The following ABCA13 variants were observed in gnomAD, a reference collection of about 807,000 sequenced individuals.
ABCA13 encodes ATP binding cassette subfamily A member 13.
Under a neutral mutation model 478.7 loss-of-function variants are expected in ABCA13, and 476 were observed. The ratio of observed to expected loss-of-function variants is 0.99; its 90% confidence interval spans 0.92 to 1.07. The LOEUF is 1.07. Ranked by LOEUF, ABCA13 falls within the 50% of genes least tolerant of loss-of-function variation. ABCA13 has a pLI of 0.00. For missense variants in ABCA13, 6,060 were observed against 5,910.6 expected, an observed-to-expected ratio of 1.03 and a Z score of -0.83; for synonymous variants, 2,252 against 2,158.9, an observed-to-expected ratio of 1.04 and a Z score of -1.20.
chr7:48,469,619 A>G (rs1308488011), intron 44 of ABCA13, among the ~76,000 whole-genome samples: 2 of 151,540 alleles, frequency 1.3e-5, no homozygotes, highest in Non-Finnish European at 2.9e-5. Flanking sequence ...CTCTCAAGAC[A>G]GGAGGTCCTT....
At chr7:48,617,721 C>T (rs116849153) in intron 59 of ABCA13, among the ~76,000 whole-genome samples, 1 of 152,130 alleles carries the variant, frequency 6.6e-6, no homozygotes, top group Non-Finnish European at 1.5e-5. Context: ...CTGACCTTGA[C>T]CTCATGAACA....
chr7:48,493,903 A>T (rs1254989217), intron 48 of ABCA13, among the ~76,000 whole-genome samples: 1 of 152,176 alleles, frequency 6.6e-6, no homozygotes, highest in Non-Finnish European at 1.5e-5. Context: ...TTCCCAGCTG[A>T]TTCATATTCT....
At chr7:48,227,816 G>A (rs1009444713) in intron 6 of ABCA13, among the ~76,000 whole-genome samples, 8 of 152,164 alleles carry the variant, frequency 5.3e-5, no homozygotes, top group Non-Finnish European at 1.2e-4. Context: ...TTCACTATTA[G>A]AGATAGGCTT....
At chr7:48,309,755 G>T (rs185023326) in intron 23 of ABCA13, among the ~76,000 whole-genome samples, 192 bp from the exon 24 acceptor site, 5 of 152,278 alleles carry the variant, frequency 3.3e-5, no homozygotes, top group African/African-American at 1.2e-4. Context: ...AATGATGTGC[G>T]CACTTCAGAA....
intron 48 of ABCA13, among the ~76,000 whole-genome samples, chr7:48,494,532 T>A (rs1830108099): frequency 6.6e-6 from 1 of 152,106 alleles, no homozygotes; most frequent in African/African-American, 2.4e-5. Flanking sequence ...AGTACTAGCT[T>A]GCCCTTGCTG....
At chr7:48,440,416 T>C (rs1823422435) in intron 42 of ABCA13, among the ~76,000 whole-genome samples, 2 of 152,138 alleles carry the variant, frequency 1.3e-5, no homozygotes. Flanking sequence ...AATTCATCTA[T>C]GTAATTGCTT....
intron 42 of ABCA13, among the ~76,000 whole-genome samples, chr7:48,441,549 C>T (rs911889819): frequency 6.6e-6 from 1 of 152,038 alleles, no homozygotes; most frequent in Non-Finnish European, 1.5e-5. Flanking sequence ...TCATAGGGAC[C>T]CTAGTAGCTC....
In ABCA13 at chr7:48,278,401, T is replaced by G. The variant is rs770759147; in HGVS notation, c.7207T>G (p.Phe2403Val). 19 of 1,613,816 alleles carry G rather than the reference T, an allele frequency of 1.2e-5. No homozygotes were observed. In the African/African-American group the frequency reaches 2.3e-4, roughly 19 times the overall value. ...CCATGTGAATAAGTCTGAGGACCTC[T>G]TCAAACTCAATCAAGATCTTGGGTC... ...FFHVNKSEDL[F>V]KLNQDLGSAL... Residue 2403 changes from phenylalanine to valine, a missense_variant, in exon 18 of 62, where the codon TTC becomes GTC. This residue lies in a region of ABCA13 where 4,423 missense variants were observed against 4,309.1 expected (regional missense o/e 1.03). Coordinates refer to ENST00000435803, the MANE Select transcript of ABCA13 (RefSeq NM_152701.5).
At chr7:48,584,499 T>C (rs1234247456) in intron 56 of ABCA13, among the ~76,000 whole-genome samples, 1 of 152,142 alleles carries the variant, frequency 6.6e-6, no homozygotes, top group Non-Finnish European at 1.5e-5. Flanking sequence ...GCTGTGTACA[T>C]TAGTTTCTTT....
intron 35 of ABCA13, among the ~76,000 whole-genome samples, chr7:48,376,849 G>GT (rs894786551): frequency 5.9e-5 from 9 of 152,106 alleles, no homozygotes; most frequent in Non-Finnish European, 1.3e-4. Context: ...GTGGGCTTCA[G>GT]TCTACACAGA....
chr7:48,645,134 G>T (rs11975477), intron 61 of ABCA13, among the ~76,000 whole-genome samples: 19,450 of 151,960 alleles, frequency 0.13, 1,315 homozygotes, highest in East Asian at 0.24. Flanking sequence ...AGAGTACCAG[G>T]AATATAAAAA....
At chr7:48,176,160 G>T (rs1249300245) in intron 1 of ABCA13, among the ~76,000 whole-genome samples, 4 of 152,114 alleles carry the variant, frequency 2.6e-5, no homozygotes, top group African/African-American at 9.7e-5. Context: ...TCCTGTGACT[G>T]CTACTCAGTC....
At chr7:48,459,601 G>A (rs1826036677) in intron 43 of ABCA13, among the ~76,000 whole-genome samples, 1 of 152,064 alleles carries the variant, frequency 6.6e-6, no homozygotes. Flanking sequence ...ATGTCACTGT[G>A]GCTTAACTTA....
intron 29 of ABCA13, among the ~76,000 whole-genome samples, chr7:48,346,649 ATAGT>A (rs1349560142): frequency 3.3e-5 from 5 of 152,222 alleles, no homozygotes; most frequent in South Asian, 2.1e-4. Flanking sequence ...TTACATGATA[ATAGT>A]TAGCACTTAC....
intron 48 of ABCA13, among the ~76,000 whole-genome samples, chr7:48,499,806 C>T (rs1830584661): frequency 6.6e-6 from 1 of 152,144 alleles, no homozygotes; most frequent in African/African-American, 2.4e-5. Flanking sequence ...GCCCCTTTTA[C>T]TTAGGAGCCT....
intron 19 of ABCA13, among the ~76,000 whole-genome samples, chr7:48,285,059 C>T (rs1562966840): frequency 1.3e-5 from 2 of 152,184 alleles, no homozygotes; most frequent in Non-Finnish European, 2.9e-5. Context: ...AAGGACAATG[C>T]AGGAGAGCTC....
At chr7:48,322,123 T>C (rs1020139357) in intron 27 of ABCA13, among the ~76,000 whole-genome samples, 2 of 152,102 alleles carry the variant, frequency 1.3e-5, no homozygotes, top group African/African-American at 4.8e-5. Flanking sequence ...CCCCAAGCAG[T>C]GAGGTGTCAG....
intron 55 of ABCA13, among the ~76,000 whole-genome samples, chr7:48,550,403 G>A (rs528431609): frequency 6.6e-6 from 1 of 151,350 alleles, no homozygotes; most frequent in East Asian, 1.9e-4. Flanking sequence ...GAGTACAGGC[G>A]CCTGCCACCA....
chr7:48,302,893 T>C (rs1800350180), intron 23 of ABCA13, among the ~76,000 whole-genome samples: 1 of 152,182 alleles, frequency 6.6e-6, no homozygotes, highest in Admixed American at 6.5e-5. Flanking sequence ...CTCTTTCTAG[T>C]TCTGTGAGGA....
Sources: gnomAD v4.1 joint callset for allele counts (sites outside exome capture counted in the v4.1 genomes callset) on GRCh38, gnomAD v4.1.1 for gene constraint, gnomAD v4.1.1 regional missense constraint, MANE v1.5 for transcripts, NCBI Gene and HGNC (gene_info 2026-07-23, HGNC 2026-07-21) for gene names.